MSRB3: variants seen among roughly 807,000 people sequenced by gnomAD.
MSRB3 encodes the protein methionine sulfoxide reductase B3, also known as methionine-R-sulfoxide reductase B3.
A neutral mutation model predicts 21.0 loss-of-function variants in MSRB3; 13 were observed. The ratio of observed to expected loss-of-function variants is 0.62; its 90% CI spans 0.40 to 0.98. MSRB3 has a LOEUF of 0.98. Ranked by LOEUF, MSRB3 falls within the 50% of genes least tolerant of loss-of-function variation. The pLI, the probability that MSRB3 is intolerant of heterozygous loss-of-function variation, is 0.00. For missense variants in MSRB3, 199 were observed against 230.3 expected (o/e 0.86, Z 0.88); for synonymous variants, 87 against 88.6 (o/e 0.98, Z 0.10).
Position 65,308,630 on chromosome 12 carries a change from C to T in MSRB3, c.51C>T (p.Ala17=). ...TGGTGACAAAGAGCCAGCCAGTAGC[C>T]CTTCGAGCCTGTGGGCTTCCCTCAG... ...LHLVTKSQPV[A]LRACGLPSGS... The change falls in exon 2 of 7, where the codon GCC becomes GCT. Residue 17 remains alanine, a synonymous_variant. Coordinates refer to ENST00000308259, the MANE Select transcript of MSRB3 (RefSeq NM_001031679.3). The T allele has an allele frequency of 3.1e-6, 5 of 1,613,934 alleles. No homozygotes were observed. Among genetic ancestry groups the T allele is most frequent in the Non-Finnish European group, 4.2e-6 (5 of 1,179,890 alleles).
At chr12:65,330,496 G>C (rs1050366270) in intron 4 of MSRB3, among the ~76,000 whole-genome samples, 3 of 152,084 alleles carry the variant, frequency 2.0e-5, no homozygotes, top group African/African-American at 7.2e-5. Flanking sequence ...GGAGAATGTA[G>C]TCGAGTAGCT....
intron 4 of MSRB3, among the ~76,000 whole-genome samples, chr12:65,359,742 A>G (rs1374357522): frequency 1.3e-5 from 2 of 152,174 alleles, no homozygotes; most frequent in African/African-American, 4.8e-5. Flanking sequence ...AATAGTGATG[A>G]GGAGTAGGGA....
At chr12:65,308,275 C>A (rs568040501) in intron 1 of MSRB3, among the ~76,000 whole-genome samples, 1 of 152,188 alleles carries the variant, frequency 6.6e-6, no homozygotes, top group East Asian at 1.9e-4. Flanking sequence ...AACTTCCTCT[C>A]TTTTCTCAAC....
Position 65,397,566 on chromosome 12 carries a change from A to G in MSRB3, c.292+28540A>G, listed in dbSNP as rs558306485. Among the ~76,000 whole-genome samples the G allele has an allele frequency of 7.2e-5, 11 of 152,160 alleles. No homozygotes were observed. The East Asian group carries it at 2.1e-3, about 29-fold the overall frequency. ...ATTCCATTTTCTCTATACACTTACC[A>G]TAATCATTTGGAAAAGTACAATTAT... On this transcript the variant is annotated intron_variant, in intron 5 of 6. Coordinates refer to ENST00000308259, the MANE Select transcript of MSRB3 (RefSeq NM_001031679.3).
At chr12:65,453,447 T>G (rs1382812670) in intron 5 of MSRB3, among the ~76,000 whole-genome samples, 1 of 152,094 alleles carries the variant, frequency 6.6e-6, no homozygotes, top group Non-Finnish European at 1.5e-5. Flanking sequence ...CCTTCTAAGT[T>G]CAAGGATACT....
At chr12:65,452,027 A>G (rs1416935174) in intron 5 of MSRB3, among the ~76,000 whole-genome samples, 1 of 152,232 alleles carries the variant, frequency 6.6e-6, no homozygotes, top group Non-Finnish European at 1.5e-5. Flanking sequence ...AAATAAATAT[A>G]AGATGCAATG....
chr12:65,318,910 C>T (rs984406649), intron 2 of MSRB3, among the ~76,000 whole-genome samples: 1 of 152,026 alleles, frequency 6.6e-6, no homozygotes, highest in Non-Finnish European at 1.5e-5. Flanking sequence ...AAATTTATAA[C>T]ACAAATGAAA....
At chr12:65,447,101 G>A (rs1171842953) in intron 5 of MSRB3, among the ~76,000 whole-genome samples, 2 of 152,150 alleles carry the variant, frequency 1.3e-5, no homozygotes, top group South Asian at 2.1e-4. Context: ...TTCAGGGAAC[G>A]CCAGGATGAA....
At chr12:65,436,413 T>G (rs993033568) in intron 5 of MSRB3, among the ~76,000 whole-genome samples, 3 of 144,918 alleles carry the variant, frequency 2.1e-5, no homozygotes, top group South Asian at 2.1e-4. Context: ...AACGCATTTG[T>G]TTTTTTTCAG....
chr12:65,368,976 A>G (rs781276727), intron 4 of MSRB3, 22 bp from the exon 5 acceptor site: 4 of 1,405,734 alleles, frequency 2.8e-6, no homozygotes, highest in Non-Finnish European at 3.9e-6. Flanking sequence ...TTATATTGTA[A>G]AAACTTTCTT....
At chr12:65,389,021 A>G (rs2136572998) in intron 5 of MSRB3, among the ~76,000 whole-genome samples, 1 of 152,306 alleles carries the variant, frequency 6.6e-6, no homozygotes, top group South Asian at 2.1e-4. Context: ...TCCTCCTCGT[A>G]AATAATGATG....
chr12:65,309,687 A>G lies in MSRB3; in HGVS notation c.76+1032A>G, dbSNP rs116688066. 1.3e-3 allele frequency among the ~76,000 whole-genome samples: 195 copies of G among 152,290 alleles called. 1 individual carries two copies. The highest frequency in any genetic ancestry group is 4.4e-3 in the African/African-American group (184 of 41,562). On this transcript the variant is annotated intron_variant, in intron 2 of 6. Transcript: ENST00000308259. The stretch of plus-strand genomic sequence containing the variant: ...AAGATCTCTGAAGTTTAAGGAGGGC[A>G]TTATGGAGGATATGGTGCTTGAGCT...
chr12:65,380,011 T>C (rs1878852351), intron 5 of MSRB3, among the ~76,000 whole-genome samples: 2 of 152,198 alleles, frequency 1.3e-5, no homozygotes, highest in African/African-American at 4.8e-5. Context: ...TATATACATA[T>C]GAAGATATCT....
At chr12:65,287,828 C>T (rs1378822877) in intron 1 of MSRB3, among the ~76,000 whole-genome samples, 1 of 152,094 alleles carries the variant, frequency 6.6e-6, no homozygotes, top group Non-Finnish European at 1.5e-5. Context: ...ATATTTGCAT[C>T]CTTGTGTATG....
chr12:65,454,031 C>T (rs1882980140), intron 6 of MSRB3: 7 of 666,444 alleles, frequency 1.1e-5, no homozygotes, highest in South Asian at 8.3e-5. Flanking sequence ...AGCCTGTAAT[C>T]CCATACTTTG....
intron 5 of MSRB3, among the ~76,000 whole-genome samples, chr12:65,373,794 A>G (rs899306301): frequency 6.6e-6 from 1 of 152,176 alleles, no homozygotes; most frequent in Admixed American, 6.5e-5. Context: ...AAAAGGCACA[A>G]CAGAATATAA....
chr12:65,342,072 G>T (rs965066655), intron 4 of MSRB3, among the ~76,000 whole-genome samples: 1 of 151,858 alleles, frequency 6.6e-6, no homozygotes, highest in Non-Finnish European at 1.5e-5. Context: ...GTGGGAACTT[G>T]TATAACACTG....
At chr12:65,292,192 C>T (rs991195996) in intron 1 of MSRB3, among the ~76,000 whole-genome samples, 26 of 152,158 alleles carry the variant, frequency 1.7e-4, no homozygotes, top group Non-Finnish European at 2.9e-5. Context: ...GACTTCAGAG[C>T]GTTTGATACA....
chr12:65,350,574 G>A lies in MSRB3; in HGVS notation c.264-18424G>A, dbSNP rs367643992. On this transcript the variant is annotated intron_variant, in intron 4 of 6. Coordinates refer to ENST00000308259, the MANE Select transcript of MSRB3 (RefSeq NM_001031679.3). ...GCTGTATTCAGGAAACCCATCTCAC[G>A]TGCAGAGACACACATAGGCTCAAAA... is the stretch of plus-strand genomic sequence containing the variant. Among the ~76,000 whole-genome samples, 923 of 150,558 alleles carry A rather than the reference G, an allele frequency of 6.1e-3. 7 individuals carry two copies. The highest frequency in any genetic ancestry group is 0.021 in the African/African-American group (847 of 40,552).
Sources: gnomAD v4.1 joint callset for allele counts (sites outside exome capture counted in the v4.1 genomes callset) on GRCh38, gnomAD v4.1.1 for gene constraint, MANE v1.5 for transcripts, NCBI Gene and HGNC (gene_info 2026-07-23, HGNC 2026-07-21) for gene names.